The following CPVL variants were observed in gnomAD, a reference collection of about 807,000 sequenced individuals.
The protein encoded by CPVL is probable serine carboxypeptidase CPVL.
CPVL carries 51 observed loss-of-function variants against 63.7 expected under a neutral mutation model. The ratio of observed to expected loss-of-function variants is 0.80; its 90% CI spans 0.64 to 1.01. The LOEUF (loss-of-function observed/expected upper bound fraction) is 1.01, where lower values mean the gene tolerates loss of function less well. Ranked by LOEUF, CPVL falls within the 50% of genes least tolerant of loss-of-function variation. The pLI is 0.00. For missense variants in CPVL, 530 were observed against 573.1 expected, an observed-to-expected ratio of 0.92 and a Z score of 0.77; for synonymous variants, 195 against 206.0, an observed-to-expected ratio of 0.95 and a Z score of 0.46.
chr7:29,170,616 C>G (rs1796473374), intron 5 of CPVL, among the ~76,000 whole-genome samples: 1 of 152,142 alleles, frequency 6.6e-6, no homozygotes, highest in Non-Finnish European at 1.5e-5. Flanking sequence ...ATTTTTATTT[C>G]TAAACTTCAT....
At chr7:29,038,501 A>G (rs1196792266) in intron 11 of CPVL, among the ~76,000 whole-genome samples, 3 of 152,220 alleles carry the variant, frequency 2.0e-5, no homozygotes, top group African/African-American at 7.2e-5. Context: ...ACTATGTTAC[A>G]GCAGCCTGAA....
At chr7:29,168,923 T>A (rs1014022888) in intron 5 of CPVL, among the ~76,000 whole-genome samples, 1 of 152,172 alleles carries the variant, frequency 6.6e-6, no homozygotes, top group African/African-American at 2.4e-5. Flanking sequence ...CTATTCGCCA[T>A]GTTTTAAGTA....
chr7:29,037,152 C>G (rs1315142334), intron 11 of CPVL, among the ~76,000 whole-genome samples: 1 of 152,164 alleles, frequency 6.6e-6, no homozygotes, highest in East Asian at 1.9e-4. Flanking sequence ...TGCATAAACT[C>G]TATGGCTGGG....
intron 11 of CPVL, among the ~76,000 whole-genome samples, chr7:29,041,890 G>A (rs1418900182): frequency 6.6e-6 from 1 of 152,080 alleles, no homozygotes; most frequent in Non-Finnish European, 1.5e-5. Flanking sequence ...TATATATAGT[G>A]TTAAGGACAA....
intron 3 of CPVL, among the ~76,000 whole-genome samples, chr7:29,105,661 T>G (rs1349753931): frequency 6.6e-6 from 1 of 152,178 alleles, no homozygotes; most frequent in Non-Finnish European, 1.5e-5. Context: ...TTATTTAATT[T>G]ATTTTTTTAC....
intron 3 of CPVL, among the ~76,000 whole-genome samples, chr7:29,097,088 T>G (rs1786511611): frequency 6.6e-6 from 1 of 151,848 alleles, no homozygotes; most frequent in Non-Finnish European, 1.5e-5. Context: ...CCAGGGGCCT[T>G]TAGCCAACGC....
chr7:29,102,228 G>C (rs1357322512), intron 3 of CPVL, among the ~76,000 whole-genome samples: 5 of 152,112 alleles, frequency 3.3e-5, no homozygotes, highest in Non-Finnish European at 7.3e-5. Context: ...TACTATTAAT[G>C]TCTGTCTCCT....
intron 11 of CPVL, among the ~76,000 whole-genome samples, chr7:29,031,704 T>C (rs1788035303): frequency 6.6e-6 from 1 of 152,150 alleles, no homozygotes; most frequent in Admixed American, 6.5e-5. Context: ...TTGAGTCTTA[T>C]AATGAAAAAC....
chr7:29,137,939 C>G (rs1791419733), intron 1 of CPVL, among the ~76,000 whole-genome samples: 2 of 152,130 alleles, frequency 1.3e-5, no homozygotes, highest in South Asian at 2.1e-4. Flanking sequence ...GAATCTTTAT[C>G]CTCTAGTGAC....
At chr7:29,092,022 T>C (rs991005518) in intron 6 of CPVL, among the ~76,000 whole-genome samples, 3 of 152,040 alleles carry the variant, frequency 2.0e-5, no homozygotes, top group African/African-American at 7.2e-5. Context: ...TAGGACTTGG[T>C]CTCTAGTAAT....
intron 5 of CPVL, among the ~76,000 whole-genome samples, chr7:29,093,667 A>C (rs979747299): frequency 6.6e-6 from 1 of 152,228 alleles, no homozygotes; most frequent in African/African-American, 2.4e-5. Flanking sequence ...TACTATTTTT[A>C]TGTCAACAAT....
chr7:29,032,503 T>C (rs1360511550), intron 11 of CPVL, among the ~76,000 whole-genome samples: 1 of 152,246 alleles, frequency 6.6e-6, no homozygotes, highest in African/African-American at 2.4e-5. Flanking sequence ...CCTTGAGTAC[T>C]CATGGCCTCT....
chr7:29,164,779 C>CAA (rs55742522), intron 5 of CPVL, among the ~76,000 whole-genome samples: 1,746 of 85,690 alleles, frequency 0.02, 31 homozygotes, highest in African/African-American at 0.061. Flanking sequence ...AGACCTGTCT[C>CAA]AAAAAAAAAA....
intron 1 of CPVL, among the ~76,000 whole-genome samples, chr7:29,141,120 C>T (rs1460544552): frequency 1.3e-5 from 2 of 152,184 alleles, no homozygotes; most frequent in Non-Finnish European, 2.9e-5. Flanking sequence ...TTTGAGCTTC[C>T]CTGCTGATCA....
intron 5 of CPVL, among the ~76,000 whole-genome samples, chr7:29,171,068 T>C (rs1796540166): frequency 6.6e-6 from 1 of 152,096 alleles, no homozygotes; most frequent in Non-Finnish European, 1.5e-5. Context: ...CTCAGCTGAT[T>C]TATTAAAAAA....
intron 12 of CPVL, among the ~76,000 whole-genome samples, chr7:29,027,857 T>C (rs923721473): frequency 1.3e-5 from 2 of 152,198 alleles, no homozygotes; most frequent in South Asian, 4.1e-4. Context: ...AGACATCTCA[T>C]GCTCATGGAT....
intron 12 of CPVL, chr7:29,001,198 A>G (rs1784596268): frequency 6.6e-6 from 1 of 152,176 alleles, no homozygotes; most frequent in South Asian, 2.1e-4. Context: ...AATCCTCCCC[A>G]TTTCAGGCTT....
chr7:29,158,837 T>C (rs971779201), intron 5 of CPVL, among the ~76,000 whole-genome samples: 5 of 152,234 alleles, frequency 3.3e-5, no homozygotes, highest in African/African-American at 1.2e-4. Flanking sequence ...CTTAGAGAGA[T>C]ACTTCTGACA....
chr7:29,075,295 A>G (rs930180532), intron 7 of CPVL, among the ~76,000 whole-genome samples: 2 of 152,084 alleles, frequency 1.3e-5, no homozygotes, highest in Admixed American at 6.5e-5. Flanking sequence ...ACACCCACTC[A>G]GTTTTTGAGC....
Sources: gnomAD v4.1 joint callset for allele counts (sites outside exome capture counted in the v4.1 genomes callset) on GRCh38, gnomAD v4.1.1 for gene constraint, MANE v1.5 for transcripts, NCBI Gene and HGNC (gene_info 2026-07-23, HGNC 2026-07-21) for gene names.